The following NF1 variants were observed in gnomAD, a reference collection of about 807,000 sequenced individuals.
NF1 encodes the protein neurofibromin 1.
In NF1, 122 loss-of-function variants were observed where a neutral mutation model predicts 325.7. The observed-to-expected ratio is 0.37, with a 90% CI of 0.32 to 0.44. The LOEUF (loss-of-function observed/expected upper bound fraction) is 0.44. NF1 is among the 20% of genes least tolerant of loss of function. The pLI is 1.00. For synonymous variants in NF1, 1,091 were observed against 1,186.0 expected, an observed-to-expected ratio of 0.92 and a Z score of 1.65; for missense variants, 2,140 against 3,415.4, an observed-to-expected ratio of 0.63 and a Z score of 9.31.
chr17:31,167,701 G>A (rs925311820), intron 4 of NF1, among the ~76,000 whole-genome samples: 2 of 152,172 alleles, frequency 1.3e-5, no homozygotes. Flanking sequence ...GAGTGCTGTG[G>A]TTGTTGGTGT....
intron 23 of NF1, 136 bp downstream of exon 23, chr17:31,230,518 T>A: frequency 9.1e-7 from 1 of 1,095,746 alleles, no homozygotes; most frequent in African/African-American, 1.6e-5. Context: ...TGTTTTTCTC[T>A]ACATCTCTTC....
chr17:31,339,232 T>C (rs898044139), intron 46 of NF1, among the ~76,000 whole-genome samples: 12 of 152,112 alleles, frequency 7.9e-5, no homozygotes, highest in Non-Finnish European at 1.8e-4. Flanking sequence ...ACAAAATACG[T>C]AGTATGTTAG....
At chr17:31,284,992 G>A (rs1030965619) in intron 36 of NF1, among the ~76,000 whole-genome samples, 5 of 151,934 alleles carry the variant, frequency 3.3e-5, no homozygotes, top group Non-Finnish European at 5.9e-5. Flanking sequence ...TGCTTTGCGC[G>A]CCTGTAATTC....
At chr17:31,300,512 C>G (rs1484209062) in intron 36 of NF1, among the ~76,000 whole-genome samples, 2 of 151,980 alleles carry the variant, frequency 1.3e-5, no homozygotes, top group African/African-American at 4.8e-5. Flanking sequence ...CCATAGTACT[C>G]CATTTGGGAA....
intron 36 of NF1, among the ~76,000 whole-genome samples, chr17:31,270,844 G>C (rs542466191): frequency 6.6e-5 from 10 of 152,094 alleles, no homozygotes; most frequent in Non-Finnish European, 1.3e-4. Flanking sequence ...ATTGACGTAC[G>C]TATAAACTGA....
In NF1 at chr17:31,132,728, G is replaced by A. The variant is rs200381671; in HGVS notation, c.61-23255G>A. Among the ~76,000 whole-genome samples the A allele has an allele frequency of 7.9e-5, 12 of 152,012 alleles. No homozygotes were observed. In the East Asian group the frequency reaches 1.7e-3, roughly 22 times the overall value. ...GTTGCCCAGGCTGGAGTACAGTGGC[G>A]TGATCTCAGCTCACTGCAACATTTG... On this transcript the variant is annotated intron_variant, in intron 1 of 57. Coordinates refer to ENST00000358273, the MANE Select transcript of NF1 (RefSeq NM_001042492.3).
intron 1 of NF1, among the ~76,000 whole-genome samples, chr17:31,116,616 A>G (rs974690585): frequency 6.6e-6 from 1 of 152,072 alleles, no homozygotes; most frequent in African/African-American, 2.4e-5. Context: ...TTATCACTCA[A>G]TATAGTTAGA....
At chr17:31,100,137 A>G (rs946228604) in intron 1 of NF1, among the ~76,000 whole-genome samples, 2 of 152,168 alleles carry the variant, frequency 1.3e-5, no homozygotes, top group African/African-American at 4.8e-5. Context: ...CAAAAAACCC[A>G]ATTTAAAGAA....
rs182709912 is a variant in NF1 at position 31,336,481 on chromosome 17, C to G, written c.6147+8C>G. The G allele has an allele frequency of 2.9e-3, 4,673 of 1,613,910 alleles. 13 individuals are homozygous for G. Among genetic ancestry groups the G allele is most frequent in the Non-Finnish European group, 3.7e-3 (4,356 of 1,179,978 alleles). ...AAATTGGTTTCAAGCAAGGTAATCA[C>G]TTTTCTTTTGCCTTCTGTACTATAG... On this transcript the variant is annotated splice_region_variant and intron_variant, in intron 41 of 57. Coordinates refer to ENST00000358273, the MANE Select transcript of NF1 (RefSeq NM_001042492.3). This position sits in a 1 kb window ranked among gnomAD's most constrained non-coding sequence, Gnocchi z 5.5.
At chr17:31,215,904 A>G (rs1332268247) in intron 13 of NF1, among the ~76,000 whole-genome samples, 1 of 152,202 alleles carries the variant, frequency 6.6e-6, no homozygotes. Flanking sequence ...TTTTTTAAAA[A>G]TGTGTATTTA....
chr17:31,314,371 A>T (rs1677367983), intron 36 of NF1: 1 of 181,998 alleles, frequency 5.5e-6, no homozygotes, highest in South Asian at 2.0e-4. Flanking sequence ...TATCACTTAC[A>T]GTGAGATTTC....
At chr17:31,236,596 C>T (rs1225255429) in intron 29 of NF1, among the ~76,000 whole-genome samples, 5 of 149,768 alleles carry the variant, frequency 3.3e-5, no homozygotes, top group East Asian at 3.9e-4. Flanking sequence ...TGCGCCACCA[C>T]GCCCAGGTAA....
chr17:31,354,094 A>G (rs1209850555), intron 51 of NF1, among the ~76,000 whole-genome samples: 3 of 152,232 alleles, frequency 2.0e-5, no homozygotes, highest in Non-Finnish European at 4.4e-5. Flanking sequence ...TATTGAATTC[A>G]TTCAACCCAT....
Position 31,305,399 on chromosome 17 carries a change from T to C in NF1, c.4836-20421T>C, listed in dbSNP as rs373866701. On this transcript the variant is annotated intron_variant, in intron 36 of 57. Coordinates refer to ENST00000358273, the MANE Select transcript of NF1 (RefSeq NM_001042492.3). ...CCAGCAGTGACTTTGGCAGGTGATA[T>C]TGATTGTCCAGAAAAAGTGTCGCTG... 10 of 1,614,094 alleles carry C rather than the reference T, an allele frequency of 6.2e-6. No individual in the cohort carries two copies. In the East Asian group the frequency reaches 8.9e-5, roughly 14 times the overall value.
rs2143625564 is a variant in NF1, at chr17:31,156,011, C to T, written c.89C>T (p.Thr30Ile). Reference sequence around the variant, plus strand: ...CCAATAAAAACAGGACAGCAGAACACACATACCAAAGTCAGTACTGAGCAC... The same window carrying T: ...CCAATAAAAACAGGACAGCAGAACATACATACCAAAGTCAGTACTGAGCAC... ...QLPIKTGQQNTHTKVSTEHNK... is the reference protein window; with the variant it reads ...QLPIKTGQQNIHTKVSTEHNK... Residue 30 changes from threonine (T) to isoleucine (I), a missense_variant, in exon 2 of 58, where the codon ACA (threonine) becomes ATA (isoleucine). This residue lies in a region of NF1 where 246 missense variants were observed against 347.8 expected (regional missense o/e 0.71). Coordinates refer to ENST00000358273, the MANE Select transcript of NF1 (RefSeq NM_001042492.3). 6.2e-7 allele frequency: 1 copy of T among 1,612,434 alleles called. No homozygotes were observed. Among genetic ancestry groups the T allele is most frequent in the South Asian group, 1.1e-5 (1 of 90,986 alleles).
intron 57 of NF1, among the ~76,000 whole-genome samples, chr17:31,368,918 A>G (rs951233984): frequency 2.0e-5 from 3 of 152,224 alleles, no homozygotes; most frequent in Non-Finnish European, 4.4e-5. Flanking sequence ...TAAGTTTGCC[A>G]TATTGTATAT....
chr17:31,305,997 T>C (rs1468885588), intron 36 of NF1, among the ~76,000 whole-genome samples: 1 of 152,208 alleles, frequency 6.6e-6, no homozygotes, highest in Admixed American at 6.5e-5. Context: ...ATGTGTTCTC[T>C]ACCTTTTTTC....
At chr17:31,141,083 T>C (rs73273503) in intron 1 of NF1, among the ~76,000 whole-genome samples, 2,217 of 152,324 alleles carry the variant, frequency 0.015, 60 homozygotes, top group African/African-American at 0.051. Flanking sequence ...ATTAAGTAAT[T>C]TAGCTGCTTG....
At chr17:31,350,346 C>T (rs2070110095) in intron 50 of NF1, 28 bp downstream of exon 50, 1 of 1,595,212 alleles carries the variant, frequency 6.3e-7, no homozygotes, top group Non-Finnish European at 8.6e-7. Context: ...CCTATAATTA[C>T]ATAATCATAA....
Sources: allele counts gnomAD v4.1 joint callset (sites outside exome capture counted in the v4.1 genomes callset), GRCh38; gene constraint gnomAD v4.1.1; regional missense constraint gnomAD v4.1.1; non-coding constraint Gnocchi (gnomAD v3.1); transcripts MANE v1.5; gene names NCBI Gene and HGNC (gene_info 2026-07-23, HGNC 2026-07-21).